Variants in HMCN1 observed in about 807,000 individuals in gnomAD.
The protein encoded by HMCN1 is hemicentin 1.
A neutral mutation model predicts 625.9 loss-of-function variants in HMCN1; 321 were observed. That is an observed-to-expected ratio of 0.51 (90% CI 0.47 to 0.56). The LOEUF (loss-of-function observed/expected upper bound fraction) is 0.56. Among genes scored for constraint, HMCN1 ranks in the 20% least tolerant of loss-of-function variants. HMCN1 has a pLI of 0.00. For synonymous variants in HMCN1, 2,425 were observed against 2,417.6 expected, an observed-to-expected ratio of 1.00 and a Z score of -0.09; for missense variants, 6,588 against 6,887.3, an observed-to-expected ratio of 0.96 and a Z score of 1.54.
At chr1:185,849,732 A>G (rs1336471221) in intron 2 of HMCN1, among the ~76,000 whole-genome samples, 1 of 152,190 alleles carries the variant, frequency 6.6e-6, no homozygotes, top group Non-Finnish European at 1.5e-5. Context: ...TGTAAATTAT[A>G]TACTAAATTG....
At chr1:185,867,442 A>G (rs994636200) in intron 4 of HMCN1, among the ~76,000 whole-genome samples, 1 of 152,200 alleles carries the variant, frequency 6.6e-6, no homozygotes, top group African/African-American at 2.4e-5. Flanking sequence ...GCTCATAGAA[A>G]TTGTCTTCAA....
intron 58 of HMCN1, among the ~76,000 whole-genome samples, chr1:186,086,704 A>C (rs887047151): frequency 6.6e-6 from 1 of 152,078 alleles, no homozygotes; most frequent in Non-Finnish European, 1.5e-5. Flanking sequence ...CTTTCATTGG[A>C]TACATCTGCT....
chr1:185,893,044 C>T (rs868748951), intron 4 of HMCN1, among the ~76,000 whole-genome samples: 15 of 152,338 alleles, frequency 9.8e-5, no homozygotes, highest in African/African-American at 2.9e-4. Flanking sequence ...CGGAAAAGCG[C>T]AGTATTCGGG....
chr1:186,129,932 G>A, intron 83 of HMCN1, 34 bp from the exon 84 acceptor site: 1 of 1,611,778 alleles, frequency 6.2e-7, no homozygotes, highest in Non-Finnish European at 8.5e-7. Flanking sequence ...CTAGGTTACT[G>A]AGAGGCACTT....
intron 1 of HMCN1, among the ~76,000 whole-genome samples, chr1:185,820,820 C>T (rs1001607658): frequency 2.6e-5 from 4 of 151,996 alleles, no homozygotes; most frequent in African/African-American, 9.7e-5. Flanking sequence ...CTGCAAAGCG[C>T]TTGCCATAAA....
chr1:185,804,349 T>C (rs568477940), intron 1 of HMCN1, among the ~76,000 whole-genome samples: 1 of 150,216 alleles, frequency 6.7e-6, no homozygotes, highest in African/African-American at 2.5e-5. Context: ...ATTCTAGTGT[T>C]TGTTGAGTTG....
chr1:185,787,657 A>G (rs188124256), intron 1 of HMCN1, among the ~76,000 whole-genome samples: 1 of 128,598 alleles, frequency 7.8e-6, no homozygotes, highest in East Asian at 1.9e-4. Context: ...ATCTTGAGTT[A>G]AGTTAACAAA....
chr1:185,951,414 G>C (rs181156543), intron 11 of HMCN1, among the ~76,000 whole-genome samples: 6,043 of 132,690 alleles, frequency 0.046, 2 homozygotes, highest in African/African-American at 0.11. Context: ...AAGGGAAACG[G>C]GCCCTTGAAA....
chr1:185,795,276 T>G (rs1401746114), intron 1 of HMCN1, among the ~76,000 whole-genome samples: 1 of 152,212 alleles, frequency 6.6e-6, no homozygotes, highest in Non-Finnish European at 1.5e-5. Context: ...CCCAAATATT[T>G]CAGTTTCCTA....
intron 1 of HMCN1, among the ~76,000 whole-genome samples, chr1:185,792,144 A>G (rs1658049072): frequency 6.6e-6 from 1 of 152,228 alleles, no homozygotes; most frequent in Admixed American, 6.5e-5. Context: ...TTAGAAGGAT[A>G]ACTCTGAAGG....
At chr1:186,125,177 T>C (rs547435368) in intron 81 of HMCN1, among the ~76,000 whole-genome samples, 53 of 152,288 alleles carry the variant, frequency 3.5e-4, no homozygotes, top group African/African-American at 1.2e-3. Context: ...GTGAGTGTTT[T>C]ATAGTGTTTT....
At chr1:186,077,699 T>C (rs985027304) in intron 54 of HMCN1, among the ~76,000 whole-genome samples, 2 of 152,212 alleles carry the variant, frequency 1.3e-5, no homozygotes, top group Non-Finnish European at 2.9e-5. Context: ...TGTAAAATAG[T>C]ACACTTTATA....
chr1:186,046,099 A>G (rs182799789), intron 41 of HMCN1, among the ~76,000 whole-genome samples: 117 of 152,264 alleles, frequency 7.7e-4, no homozygotes, highest in Admixed American at 7.3e-3. Flanking sequence ...CCAGGAAAAT[A>G]TCATAGAAAT....
intron 46 of HMCN1, 89 bp downstream of exon 46, chr1:186,057,490 G>A: frequency 2.1e-6 from 2 of 974,750 alleles, no homozygotes; most frequent in Non-Finnish European, 3.3e-6. Context: ...TGTTTTTATT[G>A]TTTTATTTTT....
intron 1 of HMCN1, among the ~76,000 whole-genome samples, chr1:185,842,393 C>T (rs1371268291): frequency 6.6e-6 from 1 of 152,026 alleles, no homozygotes; most frequent in Non-Finnish European, 1.5e-5. Flanking sequence ...GAGACCCTGT[C>T]TCCAAAAAAT....
Position 186,151,206 on chromosome 1 carries a change from C to T in HMCN1, c.14615C>T (p.Pro4872Leu), listed in dbSNP as rs779441703. 8.1e-6 allele frequency: 13 copies of T among 1,613,546 alleles called. No homozygotes were observed. The Admixed American group carries it at 8.3e-5, about 10-fold the overall frequency. The change falls in exon 94 of 107, where the codon CCC becomes CTC. Residue 4872 changes from proline to leucine, a missense_variant. This residue lies in a region of HMCN1 where 1,954 missense variants were observed against 2,013.1 expected (regional missense o/e 0.97). Transcript: ENST00000271588. ...TTTTTTTTTCCCCCAATAGGTGGGC[C>T]CCAGCGAGCCAGAGGAAGTGTTATT... ...RCNVQACPGG[P>L]QRARGSVIGN...
intron 6 of HMCN1, among the ~76,000 whole-genome samples, chr1:185,915,287 C>T (rs947354581): frequency 6.6e-6 from 1 of 152,052 alleles, no homozygotes; most frequent in African/African-American, 2.4e-5. Flanking sequence ...AGGAAAGCTA[C>T]AGATCATGGA....
At chr1:185,982,162 C>A (rs1467313932) in intron 17 of HMCN1, 100 bp from the exon 18 acceptor site, 2 of 1,221,852 alleles carry the variant, frequency 1.6e-6, no homozygotes, top group Non-Finnish European at 1.2e-6. Flanking sequence ...AAAACTCAAA[C>A]TTTTATAGCA....
At chr1:185,757,337 C>A (rs568330381) in intron 1 of HMCN1, among the ~76,000 whole-genome samples, 1 of 152,140 alleles carries the variant, frequency 6.6e-6, no homozygotes, top group Non-Finnish European at 1.5e-5. Context: ...CTGGCCCGAT[C>A]GCCTCTCTCT....
Sources: allele counts gnomAD v4.1 joint callset (sites outside exome capture counted in the v4.1 genomes callset), GRCh38; gene constraint gnomAD v4.1.1; regional missense constraint gnomAD v4.1.1; transcripts MANE v1.5; gene names NCBI Gene and HGNC (gene_info 2026-07-23, HGNC 2026-07-21).